IFNG-AS1: variants seen among roughly 807,000 people sequenced by gnomAD.
IFNG-AS1 encodes IFNG antisense RNA 1 (non-protein coding).
chr12:68,017,128 A>G (rs1880174527), intron 3 of IFNG-AS1, among the ~76,000 whole-genome samples: 1 of 152,214 alleles, frequency 6.6e-6, no homozygotes, highest in Non-Finnish European at 1.5e-5. Flanking sequence ...ACAGTCTTTC[A>G]CACAGAAGGA....
chr12:67,998,397 A>G lies in IFNG-AS1; in HGVS notation n.184+2324A>G, dbSNP rs117446563. ...GAAAAAGAAAAAAGACAAAGTGCAA[A>G]AGAATATCTATTATGTGTCAACTTC... is the stretch of plus-strand genomic sequence containing the variant. On this transcript the variant is annotated intron_variant and non_coding_transcript_variant, in intron 2 of 5. Transcript: ENST00000536914. 6.9e-3 allele frequency among the ~76,000 whole-genome samples: 1,047 copies of G among 151,946 alleles called. 14 individuals are homozygous for G. Among genetic ancestry groups the G allele is most frequent in the African/African-American group, 0.023 (951 of 41,520 alleles).
intron 1 of IFNG-AS1, among the ~76,000 whole-genome samples, chr12:67,995,577 C>G (rs1335964863): frequency 6.6e-6 from 1 of 151,496 alleles, no homozygotes. Context: ...AAAAAATTAG[C>G]CAGGCATGGT....
chr12:67,991,638 G>C (rs1879515110), intron 1 of IFNG-AS1, among the ~76,000 whole-genome samples: 3 of 152,174 alleles, frequency 2.0e-5, no homozygotes, highest in Admixed American at 6.5e-5. Flanking sequence ...CCGCAAGATG[G>C]GCCATGTTAA....
intron 2 of IFNG-AS1, among the ~76,000 whole-genome samples, chr12:68,003,875 C>T (rs554620439): frequency 1.2e-3 from 179 of 150,700 alleles, no homozygotes; most frequent in Non-Finnish European, 2.1e-3. Context: ...CCACTGCACT[C>T]CAGCCTGGGT....
intron 2 of IFNG-AS1, among the ~76,000 whole-genome samples, chr12:68,004,799 A>T (rs1374323117): frequency 6.6e-6 from 1 of 151,998 alleles, no homozygotes; most frequent in Non-Finnish European, 1.5e-5. Flanking sequence ...TTTTTTCCCC[A>T]AGTGCTCCAA....
intron 3 of IFNG-AS1, among the ~76,000 whole-genome samples, chr12:68,015,604 T>C (rs1474871609): frequency 6.6e-6 from 1 of 152,158 alleles, no homozygotes; most frequent in Non-Finnish European, 1.5e-5. Context: ...ATCTACCCAC[T>C]ACCTCACATA....
chr12:68,002,255 T>TG (rs1879786498), intron 2 of IFNG-AS1, among the ~76,000 whole-genome samples: 3 of 152,178 alleles, frequency 2.0e-5, no homozygotes, highest in South Asian at 4.1e-4. Flanking sequence ...TGGTAGGTCA[T>TG]GGGGGGAGTG....
chr12:67,995,968 G>A (rs1206107988), exon 2 of IFNG-AS1: 1 of 152,158 alleles, frequency 6.6e-6, no homozygotes, highest in East Asian at 1.9e-4. Context: ...ACAGCTCACA[G>A]CTGATGATGG....
chr12:68,000,699 A>T (rs1287830717), intron 2 of IFNG-AS1, among the ~76,000 whole-genome samples: 2 of 152,254 alleles, frequency 1.3e-5, no homozygotes, highest in South Asian at 2.1e-4. Flanking sequence ...ATACTTTCTT[A>T]AAAAATACAC....
At chr12:68,001,038 T>C (rs1280495954) in intron 2 of IFNG-AS1, among the ~76,000 whole-genome samples, 1 of 152,180 alleles carries the variant, frequency 6.6e-6, no homozygotes. Flanking sequence ...GACTCATCAC[T>C]ACTCAATAGT....
chr12:67,992,613 T>G (rs760570863), intron 1 of IFNG-AS1, among the ~76,000 whole-genome samples: 17 of 152,238 alleles, frequency 1.1e-4, no homozygotes, highest in Non-Finnish European at 2.4e-4. Flanking sequence ...TATGTTTACA[T>G]GCTATAAAAG....
intron 2 of IFNG-AS1, chr12:67,996,146 T>A (rs1034605543): frequency 6.6e-6 from 1 of 152,222 alleles, no homozygotes; most frequent in East Asian, 1.9e-4. Context: ...TACTATGTGT[T>A]AGGCATGGTA....
At chr12:68,001,477 G>A in intron 2 of IFNG-AS1, 1 of 257,400 alleles carries the variant, frequency 3.9e-6, no homozygotes, top group East Asian at 9.8e-5. Flanking sequence ...GATTCCACTA[G>A]GGAATGGGAT....
chr12:68,003,387 C>T (rs1879818761), intron 2 of IFNG-AS1, among the ~76,000 whole-genome samples: 1 of 150,414 alleles, frequency 6.6e-6, no homozygotes, highest in South Asian at 2.1e-4. Flanking sequence ...CCTACTCAAC[C>T]TGAGTTCATA....
intron 2 of IFNG-AS1, among the ~76,000 whole-genome samples, chr12:67,999,066 C>A (rs940201092): frequency 1.3e-5 from 2 of 151,788 alleles, no homozygotes; most frequent in Non-Finnish European, 2.9e-5. Flanking sequence ...GGACTGAAAT[C>A]AAATGTATTG....
intron 3 of IFNG-AS1, among the ~76,000 whole-genome samples, chr12:68,012,780 G>A (rs1237381186): frequency 6.6e-6 from 1 of 152,178 alleles, no homozygotes; most frequent in African/African-American, 2.4e-5. Flanking sequence ...TTTTAATTAA[G>A]GAAAGACGAC....
chr12:68,011,063 A>C (rs1250957223), intron 3 of IFNG-AS1, among the ~76,000 whole-genome samples: 1 of 152,156 alleles, frequency 6.6e-6, no homozygotes, highest in Non-Finnish European at 1.5e-5. Context: ...GGATCAGTCC[A>C]TTTGGGCACA....
chr12:68,002,842 G>A lies in IFNG-AS1; in HGVS notation n.185-3248G>A, dbSNP rs189098877. ...TTTGAGGATAATCAGGACTGATGCT[G>A]CATTTGTGCAGCAGAAAGTATCAGT... On this transcript the variant is annotated intron_variant and non_coding_transcript_variant, in intron 2 of 5. Coordinates refer to ENST00000536914, the Ensembl canonical transcript of IFNG-AS1. 3.3e-5 allele frequency among the ~76,000 whole-genome samples: 5 copies of A among 152,310 alleles called. No individual in the cohort carries two copies. In the East Asian group the frequency reaches 9.6e-4, roughly 29 times the overall value.
chr12:67,997,814 T>A (rs1879678855), intron 2 of IFNG-AS1, among the ~76,000 whole-genome samples: 1 of 151,872 alleles, frequency 6.6e-6, no homozygotes, highest in African/African-American at 2.4e-5. Flanking sequence ...GAAGGGATTT[T>A]AAAAAAATAT....
Sources: allele counts gnomAD v4.1 joint callset (sites outside exome capture counted in the v4.1 genomes callset), GRCh38; gene constraint gnomAD v4.1.1; transcripts MANE v1.5; gene names NCBI Gene and HGNC (gene_info 2026-07-23, HGNC 2026-07-21).